The following TFDP1 variants were observed in gnomAD, a reference collection of about 807,000 sequenced individuals.
The protein encoded by TFDP1 is transcription factor Dp-1.
TFDP1 carries 6 observed loss-of-function variants against 48.0 expected under a neutral mutation model. That is an observed-to-expected ratio of 0.13 (90% confidence interval 0.07 to 0.25). The LOEUF (loss-of-function observed/expected upper bound fraction) is 0.25. TFDP1 is among the 10% of genes least tolerant of loss of function. TFDP1 has a pLI of 1.00. For missense variants in TFDP1, 335 were observed against 543.0 expected (o/e 0.62, Z 3.81); for synonymous variants, 201 against 211.6 (o/e 0.95, Z 0.44).
At chr13:113,615,497 C>T (rs1017133180) in intron 3 of TFDP1, among the ~76,000 whole-genome samples, 1 of 152,208 alleles carries the variant, frequency 6.6e-6, no homozygotes, top group Non-Finnish European at 1.5e-5. Context: ...GGAGGCCATC[C>T]GGGAGGCCAC....
intron 3 of TFDP1, among the ~76,000 whole-genome samples, chr13:113,619,875 T>C (rs1418530591): frequency 6.6e-6 from 1 of 152,130 alleles, no homozygotes; most frequent in Non-Finnish European, 1.5e-5. Flanking sequence ...GGCAAGGCCT[T>C]GGGCTCCGAA....
chr13:113,593,360 G>A (rs1286738146), intron 2 of TFDP1, among the ~76,000 whole-genome samples: 2 of 133,198 alleles, frequency 1.5e-5, no homozygotes, highest in African/African-American at 3.0e-5. Context: ...TGCTGTGTGT[G>A]GGTCCTCACC....
chr13:113,585,196 C>A (rs1217503481), intron 1 of TFDP1: 1 of 148,224 alleles, frequency 6.7e-6, no homozygotes, highest in Non-Finnish European at 1.5e-5. Context: ...TCGGCCGGAG[C>A]GCGCAGGGCG....
intron 4 of TFDP1, among the ~76,000 whole-genome samples, chr13:113,628,128 G>A (rs1416357466): frequency 1.3e-5 from 2 of 152,204 alleles, no homozygotes; most frequent in Admixed American, 1.3e-4. Flanking sequence ...TGTGTCTGAA[G>A]CTGTGTAAAG....
At chr13:113,612,122 A>G (rs1344724197) in intron 3 of TFDP1, among the ~76,000 whole-genome samples, 1 of 152,084 alleles carries the variant, frequency 6.6e-6, no homozygotes, top group Non-Finnish European at 1.5e-5. Context: ...CCAGGCCCCC[A>G]CCTCTCTGCT....
In TFDP1 at chr13:113,607,202, G is replaced by A. The variant is rs925460162; in HGVS notation, c.13-3794G>A. Among the ~76,000 whole-genome samples the A allele has an allele frequency of 2.0e-5, 3 of 152,146 alleles. No homozygotes were observed. Among genetic ancestry groups the A allele is most frequent in the East Asian group, 1.9e-4 (1 of 5,176 alleles). Reference sequence around the variant, plus strand: ...GCGGCAGCGGCAGCACTGTTGCTGCGGCTGAGACAGCGCAGGGCGTCATTC... The same window carrying A: ...GCGGCAGCGGCAGCACTGTTGCTGCAGCTGAGACAGCGCAGGGCGTCATTC... On this transcript the variant is annotated intron_variant, in intron 2 of 11. Transcript: ENST00000375370. This position sits in a 1 kb window ranked among gnomAD's most constrained non-coding sequence, Gnocchi z 5.2.
intron 1 of TFDP1, 150 bp downstream of exon 1, chr13:113,585,038 C>T (rs1875836133): frequency 6.8e-6 from 1 of 146,796 alleles, no homozygotes; most frequent in African/African-American, 2.4e-5. Context: ...GCTCCTGTGC[C>T]TCGGGGACCC....
At chr13:113,636,799 A>G in intron 10 of TFDP1, 99 bp downstream of exon 10, 1 of 1,398,556 alleles carries the variant, frequency 7.2e-7, no homozygotes, top group Non-Finnish European at 9.6e-7. Flanking sequence ...TCTTGCTGAG[A>G]TCAGGCCCAC....
chr13:113,635,815 G>A (rs943692179), intron 8 of TFDP1, among the ~76,000 whole-genome samples, 162 bp from the exon 9 acceptor site: 7 of 152,110 alleles, frequency 4.6e-5, no homozygotes, highest in African/African-American at 1.7e-4. Context: ...TTTCTCCCTG[G>A]GCTGCAGAGG....
chr13:113,585,121 G>T (rs1268218501), intron 1 of TFDP1, among the ~76,000 whole-genome samples: 1 of 146,716 alleles, frequency 6.8e-6, no homozygotes, highest in Non-Finnish European at 1.5e-5. Flanking sequence ...CCTCCCGGCC[G>T]ACAGCAGCGT....
At chr13:113,606,303 A>G (rs2048570261) in intron 2 of TFDP1, among the ~76,000 whole-genome samples, 1 of 152,116 alleles carries the variant, frequency 6.6e-6, no homozygotes. Flanking sequence ...TGCCATGACC[A>G]TGAACTGGGC....
chr13:113,591,382 G>T (rs979989903), intron 2 of TFDP1, among the ~76,000 whole-genome samples: 2 of 150,432 alleles, frequency 1.3e-5, no homozygotes, highest in African/African-American at 4.9e-5. Context: ...CCTAAAACAT[G>T]CTTTAAAAGA....
At chr13:113,613,272 CCA>C (rs970529278) in intron 3 of TFDP1, among the ~76,000 whole-genome samples, 2 of 152,218 alleles carry the variant, frequency 1.3e-5, no homozygotes, top group African/African-American at 4.8e-5. Context: ...CCTTGGCCTC[CCA>C]AAGTGCTGGG....
Position 113,585,800 on chromosome 13 carries a change from G to A in TFDP1, c.-38G>A. On this transcript the variant is annotated 5_prime_UTR_variant, in exon 2 of 12. The change creates a new upstream start codon in the 5' untranslated region. Transcript: ENST00000375370. ...AAAATCATTTTTCTTCTCTGGGAAG[G>A]TGAACATTTGTAGCATTGATTTCCC... 1.3e-6 allele frequency: 2 copies of A among 1,547,822 alleles called. No homozygotes were observed. The highest frequency in any genetic ancestry group is 1.2e-5 in the South Asian group (1 of 83,928).
intron 3 of TFDP1, among the ~76,000 whole-genome samples, chr13:113,611,705 C>T (rs749435368): frequency 1.6e-4 from 25 of 152,240 alleles, no homozygotes; most frequent in Non-Finnish European, 3.2e-4. Flanking sequence ...CTTACCTGTG[C>T]TGGGTCAGGG....
chr13:113,608,176 C>A (rs1234717743), intron 2 of TFDP1, among the ~76,000 whole-genome samples: 1 of 152,154 alleles, frequency 6.6e-6, no homozygotes, highest in Non-Finnish European at 1.5e-5. Context: ...GGAGGAGCAG[C>A]CCCCACTCTG....
At chr13:113,638,953 G>C (rs1178783568) in intron 11 of TFDP1, among the ~76,000 whole-genome samples, 1 of 152,232 alleles carries the variant, frequency 6.6e-6, no homozygotes, top group East Asian at 1.9e-4. Context: ...GCTTGAGCCT[G>C]CGTTGGGATG....
chr13:113,608,595 G>A (rs1310078192), intron 2 of TFDP1, among the ~76,000 whole-genome samples: 1 of 152,194 alleles, frequency 6.6e-6, no homozygotes, highest in Non-Finnish European at 1.5e-5. Context: ...CTTGACTCCT[G>A]GCCTCACCCA....
intron 9 of TFDP1, 90 bp downstream of exon 9, chr13:113,636,218 A>C: frequency 2.0e-6 from 3 of 1,488,526 alleles, no homozygotes; most frequent in Non-Finnish European, 2.7e-6. Context: ...ACAAGTTTTA[A>C]ATGTTGTACA....
Sources: allele counts gnomAD v4.1 joint callset (sites outside exome capture counted in the v4.1 genomes callset), GRCh38; gene constraint gnomAD v4.1.1; non-coding constraint Gnocchi (gnomAD v3.1); transcripts MANE v1.5; gene names NCBI Gene and HGNC (gene_info 2026-07-23, HGNC 2026-07-21).